The following PRKAR1B variants were observed in gnomAD, a reference collection of about 807,000 sequenced individuals.
PRKAR1B encodes cAMP-dependent protein kinase type I-beta regulatory subunit.
Under a neutral mutation model 46.5 loss-of-function variants are expected in PRKAR1B, and 22 were observed. The observed-to-expected ratio is 0.47, with a 90% confidence interval of 0.34 to 0.68. PRKAR1B has a LOEUF of 0.68. Ranked by LOEUF, PRKAR1B falls within the 30% of genes least tolerant of loss-of-function variation. The pLI, the probability that PRKAR1B is intolerant of heterozygous loss-of-function variation, is 0.01. For synonymous variants in PRKAR1B, 259 were observed against 217.7 expected, an observed-to-expected ratio of 1.19 and a Z score of -1.67; for missense variants, 445 against 535.6, an observed-to-expected ratio of 0.83 and a Z score of 1.67.
chr7:622,817 T>G (rs1391300830), intron 4 of PRKAR1B, among the ~76,000 whole-genome samples: 3 of 152,134 alleles, frequency 2.0e-5, no homozygotes, highest in Non-Finnish European at 2.9e-5. Context: ...TACTAATATG[T>G]TTTTCTGACT....
chr7:653,258 G>T (rs898007477), intron 4 of PRKAR1B, among the ~76,000 whole-genome samples: 2 of 152,182 alleles, frequency 1.3e-5, no homozygotes, highest in African/African-American at 4.8e-5. Context: ...ACACCATAGG[G>T]AACCTTGGGG....
intron 4 of PRKAR1B, among the ~76,000 whole-genome samples, chr7:630,008 TCCCAGGGCGCCACCAC>T (rs548934842): frequency 1.8e-3 from 245 of 134,292 alleles, no homozygotes; most frequent in African/African-American, 6.5e-3. Flanking sequence ...GGCCACGGCC[TCCCAGGGCGCCACCAC>T]CCCAGGGCTG....
chr7:591,143 G>T (rs78511725), intron 7 of PRKAR1B, among the ~76,000 whole-genome samples: 1 of 152,240 alleles, frequency 6.6e-6, no homozygotes, highest in Non-Finnish European at 1.5e-5. Context: ...CTCTCGCGGC[G>T]GGGTGACAGC....
intron 2 of PRKAR1B, among the ~76,000 whole-genome samples, chr7:707,026 C>T (rs866642568): frequency 1.3e-5 from 2 of 152,250 alleles, no homozygotes; most frequent in Non-Finnish European, 1.5e-5. Flanking sequence ...GCACACTTCC[C>T]GGTTCTATTG....
intron 4 of PRKAR1B, among the ~76,000 whole-genome samples, chr7:613,569 C>T (rs1484485993): frequency 6.6e-6 from 1 of 152,214 alleles, no homozygotes; most frequent in African/African-American, 2.4e-5. Flanking sequence ...CCAAGCTCAG[C>T]CCCTGAAATC....
chr7:615,453 TAAA>T (rs1249503607), intron 4 of PRKAR1B, among the ~76,000 whole-genome samples: 1 of 56,146 alleles, frequency 1.8e-5, no homozygotes, highest in African/African-American at 7.2e-5. Context: ...AAATAAAAAA[TAAA>T]AAAGACAGAA....
chr7:613,230 CTT>C (rs891728183), intron 4 of PRKAR1B, among the ~76,000 whole-genome samples: 5 of 143,348 alleles, frequency 3.5e-5, no homozygotes, highest in African/African-American at 1.3e-4. Flanking sequence ...GTGTTTTTTT[CTT>C]TTTCTTTTGT....
At chr7:640,999 G>T (rs1010616439) in intron 4 of PRKAR1B, among the ~76,000 whole-genome samples, 3 of 151,932 alleles carry the variant, frequency 2.0e-5, no homozygotes, top group Non-Finnish European at 2.9e-5. Context: ...TGTCGCCCAG[G>T]CTGGAGTGCA....
chr7:719,860 A>T (rs568018227), intron 1 of PRKAR1B, among the ~76,000 whole-genome samples: 5 of 152,184 alleles, frequency 3.3e-5, no homozygotes, highest in Non-Finnish European at 7.3e-5. Context: ...TCATACAAAC[A>T]AAACCACAAA....
chr7:722,526 C>T lies in PRKAR1B; in HGVS notation c.-23+4684G>A, dbSNP rs574054588. ...TGCTGGGATGACAGGCGTGAGCCAC[C>T]GCGCCTGGCTAATTTTTGTATTTTT... is the stretch of plus-strand genomic sequence containing the variant. On this transcript the variant is annotated intron_variant, in intron 1 of 10. Coordinates refer to ENST00000537384, the MANE Select transcript of PRKAR1B (RefSeq NM_001164760.2). 3.7e-4 allele frequency among the ~76,000 whole-genome samples: 55 copies of T among 147,964 alleles called. No homozygotes were observed. The East Asian group carries it at 8.7e-3, about 23-fold the overall frequency.
At chr7:726,053 G>T (rs907127945) in intron 1 of PRKAR1B, among the ~76,000 whole-genome samples, 6 of 151,596 alleles carry the variant, frequency 4.0e-5, no homozygotes, top group Non-Finnish European at 8.8e-5. Flanking sequence ...TAAAGCTCCA[G>T]TGTCCTTTAG....
chr7:639,935 T>C (rs369255476), intron 4 of PRKAR1B, among the ~76,000 whole-genome samples: 2,657 of 151,174 alleles, frequency 0.018, 74 homozygotes, highest in African/African-American at 0.061. Flanking sequence ...GAGGTCAAGG[T>C]GGGCGGATCA....
At chr7:642,597 C>A (rs1247286783) in intron 4 of PRKAR1B, among the ~76,000 whole-genome samples, 1 of 150,856 alleles carries the variant, frequency 6.6e-6, no homozygotes, top group African/African-American at 2.4e-5. Flanking sequence ...TAGTGGCGGG[C>A]GCCTGTAGTC....
chr7:661,013 C>G (rs1785515429), intron 4 of PRKAR1B, among the ~76,000 whole-genome samples: 2 of 66,654 alleles, frequency 3.0e-5, no homozygotes, highest in African/African-American at 1.3e-4. Context: ...ACTCTCCCCC[C>G]CATGGCACAG....
chr7:694,827 G>A (rs930320991), intron 2 of PRKAR1B, among the ~76,000 whole-genome samples: 1 of 152,168 alleles, frequency 6.6e-6, no homozygotes, highest in Non-Finnish European at 1.5e-5. Context: ...CCTGAGGTCA[G>A]AAGTTCGAGA....
chr7:696,322 A>G (rs1374398566), intron 2 of PRKAR1B, among the ~76,000 whole-genome samples: 4 of 150,286 alleles, frequency 2.7e-5, no homozygotes, highest in Non-Finnish European at 5.9e-5. Context: ...CCCAGGCTGG[A>G]GTGCAGTGTC....
chr7:616,008 AAGAGAGAG>A (rs112413656), intron 4 of PRKAR1B, among the ~76,000 whole-genome samples: 1 of 149,294 alleles, frequency 6.7e-6, no homozygotes, highest in Non-Finnish European at 1.5e-5. Context: ...AAAAGGAAGA[AAGAGAGAG>A]AGAGAGAGAG....
chr7:727,320 G>C, upstream of PRKAR1B: 14 of 1,276,108 alleles, frequency 1.1e-5, no homozygotes, highest in African/African-American at 1.6e-5. Flanking sequence ...CGCCCGGTGA[G>C]CACCCCGGGC....
chr7:709,981 G>A (rs1358437161), intron 2 of PRKAR1B, among the ~76,000 whole-genome samples: 7 of 152,166 alleles, frequency 4.6e-5, no homozygotes, highest in East Asian at 1.9e-4. Flanking sequence ...GGGGGAATTC[G>A]GTGGAGAGGA....
Sources: allele counts gnomAD v4.1 joint callset (sites outside exome capture counted in the v4.1 genomes callset), GRCh38; gene constraint gnomAD v4.1.1; transcripts MANE v1.5; gene names NCBI Gene and HGNC (gene_info 2026-07-23, HGNC 2026-07-21).